Variants in SMIM8 observed in about 807,000 individuals in gnomAD.
SMIM8 encodes the protein small integral membrane protein 8.
In SMIM8, 8 loss-of-function variants were observed where a neutral mutation model predicts 8.1. That is an observed-to-expected ratio of 0.99 (90% CI 0.58 to 1.78). The LOEUF (loss-of-function observed/expected upper bound fraction) is 1.78, where lower values mean the gene tolerates loss of function less well. Ranked by LOEUF, SMIM8 falls within the 40% of genes most tolerant of loss-of-function variation. SMIM8 has a pLI of 0.00. For missense variants in SMIM8, 126 were observed against 119.8 expected, an observed-to-expected ratio of 1.05 and a Z score of -0.24; for synonymous variants, 45 against 39.7, an observed-to-expected ratio of 1.13 and a Z score of -0.50.
rs1687131250 is a variant in SMIM8, at chr6:87,340,341, A to C, written c.*67A>C. 9 of 1,413,800 alleles carry C rather than the reference A, an allele frequency of 6.4e-6. No individual in the cohort carries two copies. The highest frequency in any genetic ancestry group is 8.4e-6 in the Non-Finnish European group (9 of 1,072,142). The allele number at this position is 1,413,800 out of a possible 1,614,324, so 87.6% of individuals were successfully genotyped here. ...AAATCTTCAAATGAAAGACCTTGTG[A>C]GTGTACAGTATCATGTTTCTTGTTC... On this transcript the variant is annotated 3_prime_UTR_variant, in exon 4 of 4. Coordinates refer to ENST00000392863, the MANE Select transcript of SMIM8 (RefSeq NM_001042493.3).
At position 87,341,895 on chromosome 6, in the gene SMIM8, T is replaced by C. The variant is rs1328297205; in HGVS notation, c.*1621T>C. On this transcript the variant is annotated 3_prime_UTR_variant, in exon 4 of 4. Coordinates refer to ENST00000392863, the MANE Select transcript of SMIM8 (RefSeq NM_001042493.3). ...TTTGGCTATCACAAAACTAGGGTTC[T>C]TCTGTTTTTAACTTATGCATTTAAT... The C allele has an allele frequency of 6.6e-6, 1 of 152,228 alleles. No homozygotes were observed. Among genetic ancestry groups the C allele is most frequent in the Non-Finnish European group, 1.5e-5 (1 of 68,044 alleles). 9.4% of individuals were successfully genotyped at this position (152,228 alleles called of 1,614,324 possible).
intron 2 of SMIM8, among the ~76,000 whole-genome samples, chr6:87,334,350 C>T (rs1365024863): frequency 6.6e-6 from 1 of 152,230 alleles, no homozygotes; most frequent in Non-Finnish European, 1.5e-5. Context: ...GAAGAAAACA[C>T]TGTTTCAGTA....
At chr6:87,328,721 C>A (rs1359681023) in intron 1 of SMIM8, among the ~76,000 whole-genome samples, 7 of 152,158 alleles carry the variant, frequency 4.6e-5, no homozygotes, top group African/African-American at 1.4e-4. Flanking sequence ...CTGTGCCCTG[C>A]CCCCAGAGGT....
rs374993935 is a variant in SMIM8, at chr6:87,326,106, G to A, written c.-45+3474G>A. The stretch of plus-strand genomic sequence containing the variant: ...TAGTTTGTATTTCTGTGGGATCGGT[G>A]GTGATATCCCTTTTATCATTTTTTA... On this transcript the variant is annotated intron_variant, in intron 1 of 3. Transcript: ENST00000392863. Among the ~76,000 whole-genome samples the A allele has an allele frequency of 5.3e-5, 8 of 152,232 alleles. No homozygotes were observed. In the South Asian group the frequency reaches 1.7e-3, roughly 32 times the overall value.
chr6:87,326,314 G>C (rs1776820097), intron 1 of SMIM8, among the ~76,000 whole-genome samples: 1 of 152,126 alleles, frequency 6.6e-6, no homozygotes, highest in Admixed American at 6.5e-5. Flanking sequence ...GCTAGCTTTT[G>C]AATGTGTTTG....
At chr6:87,334,434 C>CTTGTTTGTTTGT (rs75607753) in intron 2 of SMIM8, among the ~76,000 whole-genome samples, 41 of 151,516 alleles carry the variant, frequency 2.7e-4, no homozygotes, top group Non-Finnish European at 4.3e-4. Context: ...GCTTCAGTGG[C>CTTGTTTGTTTGT]TTGTTTGTTT....
chr6:87,328,230 C>T lies in SMIM8; in HGVS notation c.-44-2462C>T, dbSNP rs139959113. 6.5e-3 allele frequency among the ~76,000 whole-genome samples: 994 copies of T among 152,300 alleles called. 13 individuals are homozygous for T. The highest frequency in any genetic ancestry group is 0.022 in the African/African-American group (911 of 41,564). On this transcript the variant is annotated intron_variant, in intron 1 of 3. Coordinates refer to ENST00000392863, the MANE Select transcript of SMIM8 (RefSeq NM_001042493.3). ...CTCCCGTAGCTCGGAATAATTTGAT[C>T]GTGTGAAGCCTTCTCTCAGCTCGTC...
chr6:87,333,511 T>C lies in SMIM8; in HGVS notation c.-24+2799T>C, dbSNP rs181865006. On this transcript the variant is annotated intron_variant, in intron 2 of 3. Coordinates refer to ENST00000392863, the MANE Select transcript of SMIM8 (RefSeq NM_001042493.3). Reference sequence around the variant, plus strand: ...TTTGTTACTTAAATTCTAAATACCTTTATAAACACCATCGTGGCTAAGAGA... The same window carrying C: ...TTTGTTACTTAAATTCTAAATACCTCTATAAACACCATCGTGGCTAAGAGA... Among the ~76,000 whole-genome samples, 3 of 152,248 alleles carry C rather than the reference T, an allele frequency of 2.0e-5. No homozygotes were observed. The East Asian group carries it at 5.8e-4, about 29-fold the overall frequency.
At chr6:87,331,032 A>G (rs150936492) in intron 2 of SMIM8, 45 of 152,298 alleles carry the variant, frequency 3.0e-4, no homozygotes, top group African/African-American at 1.1e-3. Context: ...TTGCTAATCT[A>G]TGTGTATGTA....
At chr6:87,333,433 T>C (rs1037991921) in intron 2 of SMIM8, among the ~76,000 whole-genome samples, 4 of 152,210 alleles carry the variant, frequency 2.6e-5, no homozygotes, top group African/African-American at 9.6e-5. Flanking sequence ...AACAAGTTTT[T>C]AGCACAGGGA....
intron 1 of SMIM8, among the ~76,000 whole-genome samples, chr6:87,324,801 A>G (rs1258911726): frequency 7.9e-5 from 12 of 152,278 alleles, no homozygotes; most frequent in East Asian, 5.8e-4. Flanking sequence ...TTCCAATTCT[A>G]TGAAGAAAGA....
chr6:87,335,988 G>T (rs1221745468), intron 2 of SMIM8, among the ~76,000 whole-genome samples: 1 of 151,564 alleles, frequency 6.6e-6, no homozygotes, highest in African/African-American at 2.4e-5. Flanking sequence ...GCCACTGCAC[G>T]TGCATTCCAG....
At chr6:87,324,176 C>A (rs1300512373) in intron 1 of SMIM8, among the ~76,000 whole-genome samples, 2 of 151,970 alleles carry the variant, frequency 1.3e-5, no homozygotes, top group African/African-American at 2.4e-5. Context: ...GGATATTAGC[C>A]CTTTGTCAGA....
intron 1 of SMIM8, among the ~76,000 whole-genome samples, chr6:87,324,094 G>A (rs1165905758): frequency 6.6e-6 from 1 of 151,604 alleles, no homozygotes; most frequent in Admixed American, 6.6e-5. Flanking sequence ...GTCTGTTCAT[G>A]TCCTTCGCCC....
At chr6:87,336,573 T>C (rs1466079717) in intron 2 of SMIM8, among the ~76,000 whole-genome samples, 1 of 152,066 alleles carries the variant, frequency 6.6e-6, no homozygotes, top group Non-Finnish European at 1.5e-5. Flanking sequence ...GAGAAGATAA[T>C]GAGCAAAGGA....
intron 2 of SMIM8, among the ~76,000 whole-genome samples, chr6:87,335,301 G>A (rs561535816): frequency 6.6e-6 from 1 of 152,322 alleles, no homozygotes; most frequent in Non-Finnish European, 1.5e-5. Flanking sequence ...TTTGAAGACT[G>A]TGTGGCTACA....
chr6:87,330,062 TG>T (rs1413725382), intron 1 of SMIM8, among the ~76,000 whole-genome samples: 3 of 152,178 alleles, frequency 2.0e-5, no homozygotes, highest in Admixed American at 1.3e-4. Context: ...GGTTATGCTA[TG>T]TTTCCCCTCA....
Position 87,340,378 on chromosome 6 carries a change from A to AAAC in SMIM8, c.*105_*106insACA. 1 of 1,185,304 alleles carries AAAC rather than the reference A, an allele frequency of 8.4e-7. No individual in the cohort carries two copies. Among genetic ancestry groups the AAAC allele is most frequent in the Non-Finnish European group, 1.1e-6 (1 of 919,470 alleles). 73.4% of individuals were successfully genotyped at this position (1,185,304 alleles called of 1,614,324 possible). Reference sequence around the variant, plus strand: ...CATGTTTCTTGTTCTAGAACATGCTAATGAAGAGAGAAGATAGCAGTTGCA... The same window carrying AAAC: ...CATGTTTCTTGTTCTAGAACATGCTAAACATGAAGAGAGAAGATAGCAGTTGCA... On this transcript the variant is annotated 3_prime_UTR_variant, in exon 4 of 4. Coordinates refer to ENST00000392863, the MANE Select transcript of SMIM8 (RefSeq NM_001042493.3).
At chr6:87,335,845 CAA>C (rs35840147) in intron 2 of SMIM8, among the ~76,000 whole-genome samples, 839 of 55,964 alleles carry the variant, frequency 0.015, 10 homozygotes, top group African/African-American at 0.056. Flanking sequence ...CCGTCCCTAC[CAA>C]AAAAAAAAAA....
Sources: gnomAD v4.1 joint callset for allele counts (sites outside exome capture counted in the v4.1 genomes callset) on GRCh38, gnomAD v4.1.1 for gene constraint, MANE v1.5 for transcripts, NCBI Gene and HGNC (gene_info 2026-07-23, HGNC 2026-07-21) for gene names.